Variants in FLACC1 observed in about 807,000 individuals in gnomAD.
The protein encoded by FLACC1 is flagellum-associated coiled-coil domain-containing protein 1.
Under a neutral mutation model 62.8 loss-of-function variants are expected in FLACC1, and 66 were observed. The observed-to-expected ratio is 1.05, with a 90% CI of 0.86 to 1.29. The LOEUF is 1.29. Ranked by LOEUF, FLACC1 falls within the 50% of genes most tolerant of loss-of-function variation. FLACC1 has a pLI of 0.00. For missense variants in FLACC1, 452 were observed against 489.1 expected, an observed-to-expected ratio of 0.92 and a Z score of 0.71; for synonymous variants, 156 against 161.0, an observed-to-expected ratio of 0.97 and a Z score of 0.24.
intron 12 of FLACC1, among the ~76,000 whole-genome samples, chr2:201,298,109 C>T (rs959323057): frequency 6.6e-6 from 1 of 151,998 alleles, no homozygotes; most frequent in African/African-American, 2.4e-5. Context: ...GGAACAATCC[C>T]CAGGGCCAAC....
rs1215405068 is a variant in FLACC1, at chr2:201,289,721, T to C, written c.1007A>G (p.Tyr336Cys). 3.7e-6 allele frequency: 6 copies of C among 1,614,146 alleles called. No individual in the cohort carries two copies. The East Asian group carries it at 8.9e-5, about 24-fold the overall frequency. Residue 336 changes from tyrosine to cysteine, a missense_variant, in exon 13 of 15, where the codon TAT (tyrosine) becomes TGT (cysteine). By Grantham distance (194) the Tyr-to-Cys change is radical (BLOSUM62 -2). Transcript: ENST00000392257. ...ILESLNTNLY[Y>C]TQLELQKEKA... ...CTCTTTCTGGAGTTCCAACTGGGTATAGTAGAGGTTTGTGTTCAGTGACTC... is the reference window on the plus strand; with the variant it reads ...CTCTTTCTGGAGTTCCAACTGGGTACAGTAGAGGTTTGTGTTCAGTGACTC...
intron 9 of FLACC1, among the ~76,000 whole-genome samples, chr2:201,322,495 CA>C: frequency 6.6e-6 from 1 of 152,062 alleles, no homozygotes; most frequent in East Asian, 1.9e-4. Context: ...CTGAAAGCAC[CA>C]AAAACCAAAT....
At chr2:201,302,089 A>C (rs1306432457) in intron 11 of FLACC1, among the ~76,000 whole-genome samples, 1 of 152,216 alleles carries the variant, frequency 6.6e-6, no homozygotes, top group Non-Finnish European at 1.5e-5. Flanking sequence ...TAACAATATT[A>C]ACCTTAAATG....
At chr2:201,332,551 A>G (rs1303546541) in intron 7 of FLACC1, among the ~76,000 whole-genome samples, 1 of 152,142 alleles carries the variant, frequency 6.6e-6, no homozygotes, top group Non-Finnish European at 1.5e-5. Flanking sequence ...CCCAGCCTAA[A>G]AGTTTTTTCA....
At chr2:201,332,473 C>T (rs771907114) in intron 7 of FLACC1, among the ~76,000 whole-genome samples, 83 of 152,074 alleles carry the variant, frequency 5.5e-4, no homozygotes, top group Admixed American at 3.2e-3. Flanking sequence ...GTCTTGAACT[C>T]GTGACCTCAG....
Position 201,346,610 on chromosome 2 carries a change from T to C in FLACC1, c.300A>G (p.Leu100=), listed in dbSNP as rs766298401. The C allele has an allele frequency of 3.1e-6, 5 of 1,614,220 alleles. No homozygotes were observed. The highest frequency in any genetic ancestry group is 4.2e-6 in the Non-Finnish European group (5 of 1,180,044). Residue 100 remains leucine (L), a synonymous_variant, in exon 5 of 15, where the codon TTA becomes TTG. Coordinates refer to ENST00000392257, the MANE Select transcript of FLACC1 (RefSeq NM_001127391.3). This position sits in a 1 kb window ranked among gnomAD's most constrained non-coding sequence, Gnocchi z 4.0. The part of the protein sequence containing the change: ...VRNREQISVT[L]GDEMFDRKKR... ...TTTTCCTATCAAACATCTCATCCCC[T>C]AAGGTGACAGAAATCTGTTCCCGAT...
At chr2:201,342,558 TC>T in intron 6 of FLACC1, 127 bp from the exon 7 acceptor site, 1 of 822,842 alleles carries the variant, frequency 1.2e-6, no homozygotes, top group Non-Finnish European at 2.0e-6. Context: ...ACAGCCCCCT[TC>T]CCACCCCTCT....
rs767668690 is a variant in FLACC1, at chr2:201,351,389, G to A, written c.16C>T (p.Leu6Phe). 1 of 1,613,972 alleles carries A rather than the reference G, an allele frequency of 6.2e-7. No individual in the cohort carries two copies. The highest frequency in any genetic ancestry group is 1.1e-5 in the South Asian group (1 of 91,068). ...GGGTCCCAGCAGGTGCAGTAGATGAGAGGGTTGGGGTACATGGCCAAAGGT... is the reference window on the plus strand; with the variant it reads ...GGGTCCCAGCAGGTGCAGTAGATGAAAGGGTTGGGGTACATGGCCAAAGGT... MYPNP[L>F]IYCTCWDPWN... The change falls in exon 2 of 15, where the codon CTC (leucine) becomes TTC (phenylalanine). Residue 6 changes from leucine (L) to phenylalanine (F), a missense_variant. Coordinates refer to ENST00000392257, the MANE Select transcript of FLACC1 (RefSeq NM_001127391.3).
intron 9 of FLACC1, among the ~76,000 whole-genome samples, chr2:201,324,095 T>C (rs183929200): frequency 1.3e-5 from 2 of 152,186 alleles, no homozygotes; most frequent in Non-Finnish European, 2.9e-5. Flanking sequence ...AATCCAAATA[T>C]CTGCTGTCTT....
chr2:201,362,977 G>A, the FLACC1 span, among the ~76,000 whole-genome samples: 10 of 152,150 alleles, frequency 6.6e-5, no homozygotes, highest in Non-Finnish European at 1.0e-4. Context: ...TGTGTGATGA[G>A]ACTTGCAGCC....
At chr2:201,307,480 C>T in intron 11 of FLACC1, 39 bp downstream of exon 11, 1 of 1,481,184 alleles carries the variant, frequency 6.8e-7, no homozygotes, top group East Asian at 2.3e-5. Flanking sequence ...ACCACCTGGA[C>T]TACCCATTCA....
intron 7 of FLACC1, among the ~76,000 whole-genome samples, chr2:201,337,961 T>C (rs1267106455): frequency 6.6e-6 from 1 of 152,204 alleles, no homozygotes; most frequent in African/African-American, 2.4e-5. Flanking sequence ...AAAGTGACAT[T>C]GGTAATTTAG....
chr2:201,305,153 A>G (rs1344871691), intron 11 of FLACC1, among the ~76,000 whole-genome samples: 10 of 152,252 alleles, frequency 6.6e-5, no homozygotes, highest in Non-Finnish European at 1.3e-4. Flanking sequence ...TGCAACCTAC[A>G]GAATGGGAGA....
chr2:201,296,875 C>T (rs1317507341), intron 12 of FLACC1, among the ~76,000 whole-genome samples: 2 of 152,042 alleles, frequency 1.3e-5, no homozygotes, highest in Admixed American at 6.6e-5. Context: ...ACATTATGCT[C>T]CATGGGGATG....
chr2:201,299,615 TC>T (rs1949935728), intron 11 of FLACC1, among the ~76,000 whole-genome samples: 1 of 152,190 alleles, frequency 6.6e-6, no homozygotes, highest in Non-Finnish European at 1.5e-5. Flanking sequence ...TTCAATGAAA[TC>T]CCAGTCAAAA....
chr2:201,361,404 A>G (rs1363056918), upstream of FLACC1, among the ~76,000 whole-genome samples: 1 of 152,230 alleles, frequency 6.6e-6, no homozygotes, highest in Non-Finnish European at 1.5e-5. Context: ...TGAATGCAAG[A>G]TTTGTGCATA....
At chr2:201,311,792 G>T (rs1179639329) in intron 9 of FLACC1, among the ~76,000 whole-genome samples, 16 of 151,238 alleles carry the variant, frequency 1.1e-4, no homozygotes, top group Admixed American at 1.1e-3. Context: ...ATCCATAAAT[G>T]TGATTCACCA....
chr2:201,333,313 A>G (rs1376196495), intron 7 of FLACC1, among the ~76,000 whole-genome samples: 1 of 152,184 alleles, frequency 6.6e-6, no homozygotes, highest in Non-Finnish European at 1.5e-5. Flanking sequence ...AGCAATATTG[A>G]GCATTTTTTC....
chr2:201,321,352 T>C (rs1396942454), intron 9 of FLACC1, among the ~76,000 whole-genome samples: 1 of 152,168 alleles, frequency 6.6e-6, no homozygotes, highest in Non-Finnish European at 1.5e-5. Context: ...GAACACCCTG[T>C]GGGAGAAAAT....
Sources: allele counts gnomAD v4.1 joint callset (sites outside exome capture counted in the v4.1 genomes callset), GRCh38; gene constraint gnomAD v4.1.1; non-coding constraint Gnocchi (gnomAD v3.1); transcripts MANE v1.5; gene names NCBI Gene and HGNC (gene_info 2026-07-23, HGNC 2026-07-21).